The following CSE1L variants were observed in gnomAD, a reference collection of about 807,000 sequenced individuals.
The protein encoded by CSE1L is exportin-2.
In CSE1L, 24 loss-of-function variants were observed where a neutral mutation model predicts 120.4. The ratio of observed to expected loss-of-function variants is 0.20; its 90% CI spans 0.14 to 0.28. The LOEUF (loss-of-function observed/expected upper bound fraction) is 0.28. Ranked by LOEUF, CSE1L falls within the 10% of genes least tolerant of loss-of-function variation. The pLI is 1.00. For missense variants in CSE1L, 830 were observed against 1,145.2 expected, an observed-to-expected ratio of 0.72 and a Z score of 3.97; for synonymous variants, 402 against 398.3, an observed-to-expected ratio of 1.01 and a Z score of -0.11.
At chr20:49,074,380 T>G (rs1179982031) in intron 10 of CSE1L, among the ~76,000 whole-genome samples, 1 of 152,056 alleles carries the variant, frequency 6.6e-6, no homozygotes, top group Admixed American at 6.6e-5. Flanking sequence ...ATTTCTGACA[T>G]TGTCCACTCT....
chr20:49,082,682 C>A (rs1275147962), intron 14 of CSE1L, among the ~76,000 whole-genome samples: 2 of 152,022 alleles, frequency 1.3e-5, no homozygotes, highest in Admixed American at 1.3e-4. Flanking sequence ...CCATGCCCGG[C>A]TAATTTTTTT....
intron 1 of CSE1L, among the ~76,000 whole-genome samples, chr20:49,047,562 TTC>T (rs1193106527): frequency 1.9e-4 from 23 of 122,604 alleles, no homozygotes; most frequent in African/African-American, 7.2e-4. Context: ...CTTTTCTCTT[TTC>T]TTTTTTTTTT....
chr20:49,057,778 C>T (rs907951423), intron 1 of CSE1L, among the ~76,000 whole-genome samples: 3 of 152,084 alleles, frequency 2.0e-5, no homozygotes, highest in Non-Finnish European at 4.4e-5. Flanking sequence ...ATTACAGGCT[C>T]CTGCCACCAT....
chr20:49,059,019 T>C (rs1568764652), intron 2 of CSE1L, among the ~76,000 whole-genome samples: 2 of 151,694 alleles, frequency 1.3e-5, no homozygotes, highest in African/African-American at 2.4e-5. Flanking sequence ...TGGTCCCAGC[T>C]ACTCAGGAGG....
At position 49,095,430 on chromosome 20, in the gene CSE1L, T is replaced by G. The variant is rs2092132466; in HGVS notation, c.2826+467T>G. The stretch of plus-strand genomic sequence containing the variant: ...GCCTCAACCTCCCAGGTTCAAGTGA[T>G]CCTACTGCCTGTCAGCCTTCCAAGT... On this transcript the variant is annotated intron_variant, in intron 24 of 24. Coordinates refer to ENST00000262982, the MANE Select transcript of CSE1L (RefSeq NM_001316.4). 3.3e-5 allele frequency among the ~76,000 whole-genome samples: 5 copies of G among 152,074 alleles called. No individual in the cohort carries two copies. The South Asian group carries it at 1.0e-3, about 32-fold the overall frequency.
intron 1 of CSE1L, among the ~76,000 whole-genome samples, chr20:49,052,616 G>T (rs2091776096): frequency 6.6e-6 from 1 of 151,880 alleles, no homozygotes; most frequent in African/African-American, 2.4e-5. Context: ...AAGGGATTTG[G>T]TGGTGGTGGT....
chr20:49,057,936 T>C (rs1380997414), intron 1 of CSE1L, among the ~76,000 whole-genome samples: 11 of 152,008 alleles, frequency 7.2e-5, no homozygotes, highest in Admixed American at 7.2e-4. Flanking sequence ...CCGGCTTCAA[T>C]TTTTTTGTAG....
At chr20:49,057,586 G>A (rs1487872858) in intron 1 of CSE1L, among the ~76,000 whole-genome samples, 1 of 151,628 alleles carries the variant, frequency 6.6e-6, no homozygotes, top group African/African-American at 2.4e-5. Flanking sequence ...CCGAGTAGCT[G>A]GGACTGAAGG....
At chr20:49,052,917 T>C (rs551782158) in intron 1 of CSE1L, among the ~76,000 whole-genome samples, 4 of 152,298 alleles carry the variant, frequency 2.6e-5, no homozygotes, top group African/African-American at 9.6e-5. Flanking sequence ...CAAGTAATTA[T>C]GAGGAATCTA....
chr20:49,076,520 C>CTTTT lies in CSE1L; in HGVS notation c.1336-436_1336-433dup, dbSNP rs35713931. On this transcript the variant is annotated intron_variant, in intron 12 of 24. Transcript: ENST00000262982. Reference sequence around the variant, plus strand: ...CATGTTTTGAAGTGTCCCTCTCTCTCTTTTTTTTTTTTTTTTTTTTTTTTT... The same window carrying CTTTT: ...CATGTTTTGAAGTGTCCCTCTCTCTCTTTTTTTTTTTTTTTTTTTTTTTTTTTTT... 7.8e-4 allele frequency among the ~76,000 whole-genome samples: 62 copies of CTTTT among 79,594 alleles called. 2 individuals carry two copies. The highest frequency in any genetic ancestry group is 1.3e-3 in the African/African-American group (23 of 17,850). The allele number at this position is 79,594 out of a possible 152,430, so 52.2% of individuals were successfully genotyped here.
intron 1 of CSE1L, among the ~76,000 whole-genome samples, chr20:49,047,707 G>GCTGAGACTACAGGT (rs1014330133): frequency 2.0e-5 from 3 of 150,184 alleles, no homozygotes; most frequent in African/African-American, 7.4e-5. Context: ...CTCCCGAATA[G>GCTGAGACTACAGGT]CTGAGACTAC....
intron 1 of CSE1L, 147 bp from the exon 2 acceptor site, chr20:49,058,306 G>T: frequency 2.3e-6 from 1 of 439,180 alleles, no homozygotes; most frequent in South Asian, 5.8e-5. Flanking sequence ...CTGGACTCTT[G>T]TCTCAGAGTC....
chr20:49,076,834 A>G, intron 12 of CSE1L, 146 bp from the exon 13 acceptor site: 1 of 541,812 alleles, frequency 1.8e-6, no homozygotes, highest in South Asian at 2.5e-5. Context: ...CACAGCCAGT[A>G]CAGTCTCATT....
rs901702420 is a variant in CSE1L at position 49,089,465 on chromosome 20, C to T, written c.1972+68C>T. ...AACATGGCTATAAAATGCAGCCCAC[C>T]TAAGCGATGTGGGCCTTTTGTGTCA... On this transcript the variant is annotated intron_variant, in intron 18 of 24. Transcript: ENST00000262982. The T allele has an allele frequency of 8.8e-5, 140 of 1,596,694 alleles. No homozygotes were observed. The Admixed American group carries it at 2.3e-3, about 27-fold the overall frequency.
chr20:49,083,917 TA>T, intron 14 of CSE1L, 108 bp from the exon 15 acceptor site: 1 of 1,208,962 alleles, frequency 8.3e-7, no homozygotes, highest in Non-Finnish European at 1.2e-6. Flanking sequence ...TAACAGAGCT[TA>T]AAAATAGCAA....
chr20:49,047,638 G>C (rs544080350), intron 1 of CSE1L, among the ~76,000 whole-genome samples: 5 of 130,432 alleles, frequency 3.8e-5, no homozygotes, highest in African/African-American at 1.5e-4. Flanking sequence ...GTGCAGTGGC[G>C]CGATCTCGAC....
chr20:49,047,567 T>C, intron 1 of CSE1L, among the ~76,000 whole-genome samples: 1 of 43,364 alleles, frequency 2.3e-5, no homozygotes, highest in African/African-American at 8.8e-5. Context: ...CTCTTTTCTT[T>C]TTTTTTTTTT....
At chr20:49,067,919 T>TC (rs11086278) in intron 6 of CSE1L, among the ~76,000 whole-genome samples, 5 of 134,552 alleles carry the variant, frequency 3.7e-5, no homozygotes, top group African/African-American at 1.1e-4. Flanking sequence ...TCTTTTTTTT[T>TC]CCCTCTCTCT....
At chr20:49,047,559 CTTTTCTT>C (rs1272821357) in intron 1 of CSE1L, among the ~76,000 whole-genome samples, 44 of 61,094 alleles carry the variant, frequency 7.2e-4, no homozygotes, top group African/African-American at 2.5e-3. Flanking sequence ...TTTCTTTTCT[CTTTTCTT>C]TTTTTTTTTT....
Sources: allele counts gnomAD v4.1 joint callset (sites outside exome capture counted in the v4.1 genomes callset), GRCh38; gene constraint gnomAD v4.1.1; transcripts MANE v1.5; gene names NCBI Gene and HGNC (gene_info 2026-07-23, HGNC 2026-07-21).